Variants in PARD3B observed in about 807,000 individuals in gnomAD.
The protein encoded by PARD3B is par-3 family cell polarity regulator beta.
A neutral mutation model predicts 130.2 loss-of-function variants in PARD3B; 103 were observed. That is an observed-to-expected ratio of 0.79 (90% CI 0.67 to 0.93). The LOEUF (loss-of-function observed/expected upper bound fraction) is 0.93, where lower values mean the gene tolerates loss of function less well. PARD3B is among the 40% of genes least tolerant of loss of function. The pLI is 0.00. For synonymous variants in PARD3B, 583 were observed against 553.2 expected (o/e 1.05, Z -0.76); for missense variants, 1,609 against 1,499.2 (o/e 1.07, Z -1.21).
chr2:205,273,314 TTTC>T (rs150391843), intron 16 of PARD3B, among the ~76,000 whole-genome samples: 1,688 of 152,372 alleles, frequency 0.011, 22 homozygotes, highest in African/African-American at 0.023. Context: ...TGGCTATCCA[TTTC>T]TTCTTTGCAT....
intron 20 of PARD3B, among the ~76,000 whole-genome samples, chr2:205,489,244 A>G (rs1559140915): frequency 6.6e-6 from 1 of 152,108 alleles, no homozygotes; most frequent in Non-Finnish European, 1.5e-5. Flanking sequence ...GACAATATGT[A>G]TCACACACTT....
intron 20 of PARD3B, among the ~76,000 whole-genome samples, chr2:205,464,196 G>A (rs1049045032): frequency 1.3e-5 from 2 of 152,054 alleles, no homozygotes; most frequent in African/African-American, 4.8e-5. Flanking sequence ...GTTTGCCTTT[G>A]TATTTACCAC....
chr2:204,706,541 GA>G (rs937345499), intron 2 of PARD3B, among the ~76,000 whole-genome samples: 2 of 152,032 alleles, frequency 1.3e-5, no homozygotes, highest in African/African-American at 4.8e-5. Context: ...GGTTTACTTT[GA>G]AAAATATGAA....
intron 4 of PARD3B, among the ~76,000 whole-genome samples, chr2:205,058,125 G>A (rs1293436302): frequency 2.0e-5 from 3 of 151,478 alleles, no homozygotes; most frequent in East Asian, 3.9e-4. Flanking sequence ...CTATGATTTT[G>A]ACTACTCTAG....
chr2:205,404,174 G>A (rs1488848501), intron 19 of PARD3B, among the ~76,000 whole-genome samples: 2 of 152,042 alleles, frequency 1.3e-5, no homozygotes, highest in Non-Finnish European at 2.9e-5. Flanking sequence ...CACATCTGTG[G>A]ATTCAACCAA....
chr2:205,168,521 G>C (rs1022954717), intron 11 of PARD3B, among the ~76,000 whole-genome samples: 1 of 152,116 alleles, frequency 6.6e-6, no homozygotes, highest in African/African-American at 2.4e-5. Flanking sequence ...TTATTCCAAA[G>C]CAAATGGGAC....
intron 2 of PARD3B, among the ~76,000 whole-genome samples, chr2:204,725,949 T>C (rs888984648): frequency 6.6e-6 from 1 of 152,098 alleles, no homozygotes; most frequent in South Asian, 2.1e-4. Flanking sequence ...ATGGACTAGC[T>C]CAGTTGGAAG....
chr2:204,679,353 A>T (rs1440320429), intron 1 of PARD3B, among the ~76,000 whole-genome samples: 1 of 152,160 alleles, frequency 6.6e-6, no homozygotes, highest in Non-Finnish European at 1.5e-5. Flanking sequence ...TTGCTGAGTT[A>T]TGTGTGATGT....
intron 18 of PARD3B, among the ~76,000 whole-genome samples, chr2:205,339,906 G>A (rs1347609823): frequency 6.6e-6 from 1 of 152,014 alleles, no homozygotes; most frequent in East Asian, 1.9e-4. Context: ...TGGAAGACAG[G>A]GGAGAAGGAG....
chr2:205,148,573 G>T (rs2033530365), intron 10 of PARD3B, among the ~76,000 whole-genome samples: 1 of 152,158 alleles, frequency 6.6e-6, no homozygotes, highest in East Asian at 1.9e-4. Flanking sequence ...TCCTTTCATT[G>T]TTGTGAAAAT....
chr2:205,333,694 T>C (rs1243211157), intron 18 of PARD3B, among the ~76,000 whole-genome samples: 1 of 152,192 alleles, frequency 6.6e-6, no homozygotes, highest in Non-Finnish European at 1.5e-5. Flanking sequence ...ATTTTCCATG[T>C]ACCCTGAAGA....
At chr2:205,503,900 A>C in intron 21 of PARD3B, among the ~76,000 whole-genome samples, 1 of 152,080 alleles carries the variant, frequency 6.6e-6, no homozygotes, top group East Asian at 1.9e-4. Flanking sequence ...ATCTCTTGTA[A>C]GTTGGATTCC....
At chr2:204,835,519 G>T (rs896534497) in intron 2 of PARD3B, among the ~76,000 whole-genome samples, 1 of 151,772 alleles carries the variant, frequency 6.6e-6, no homozygotes, top group African/African-American at 2.4e-5. Context: ...TTTATCCCCT[G>T]CTCCGTTTGC....
At chr2:205,150,346 G>T (rs768882014) in intron 10 of PARD3B, among the ~76,000 whole-genome samples, 8 of 151,692 alleles carry the variant, frequency 5.3e-5, no homozygotes, top group Non-Finnish European at 7.4e-5. Flanking sequence ...CTGCTTGGGG[G>T]TTCGTCATAT....
intron 21 of PARD3B, 76 bp from the exon 22 acceptor site, chr2:205,553,248 T>C (rs2052728073): frequency 2.2e-6 from 3 of 1,390,384 alleles, no homozygotes; most frequent in Non-Finnish European, 2.0e-6. Flanking sequence ...TGTGCACTGA[T>C]TATAATTTCG....
chr2:205,526,236 G>A (rs895044806), intron 21 of PARD3B, among the ~76,000 whole-genome samples: 4 of 152,124 alleles, frequency 2.6e-5, no homozygotes, highest in African/African-American at 9.7e-5. Context: ...AGTCACATCT[G>A]GGTGTCTGTG....
intron 1 of PARD3B, among the ~76,000 whole-genome samples, chr2:204,665,557 C>G (rs756312952): frequency 6.6e-6 from 1 of 152,174 alleles, no homozygotes; most frequent in Non-Finnish European, 1.5e-5. Flanking sequence ...ACTCACTAGA[C>G]CAAGACTCAG....
intron 22 of PARD3B, among the ~76,000 whole-genome samples, chr2:205,583,528 G>T (rs897138787): frequency 6.6e-6 from 1 of 152,176 alleles, no homozygotes; most frequent in Admixed American, 6.5e-5. Flanking sequence ...GTCATTGACT[G>T]CTCATTGTGT....
In PARD3B at chr2:205,268,556, G is replaced by T. The variant is rs533016682; in HGVS notation, c.2185+22734G>T. On this transcript the variant is annotated intron_variant, in intron 16 of 22. Coordinates refer to ENST00000406610, the MANE Select transcript of PARD3B (RefSeq NM_001302769.2). This position sits in a 1 kb window ranked among gnomAD's most constrained non-coding sequence, Gnocchi z 4.1. ...GAGTTTCAAGGACGTAGAAAAATCT[G>T]ATTTGAAATCAGGTGGAAAGTGCTC... Among the ~76,000 whole-genome samples the T allele has an allele frequency of 6.6e-6, 1 of 152,240 alleles. No individual in the cohort carries two copies. The highest frequency in any genetic ancestry group is 2.4e-5 in the African/African-American group (1 of 41,550).
Sources: gnomAD v4.1 joint callset for allele counts (sites outside exome capture counted in the v4.1 genomes callset) on GRCh38, gnomAD v4.1.1 for gene constraint, Gnocchi (gnomAD v3.1) non-coding constraint, MANE v1.5 for transcripts, NCBI Gene and HGNC (gene_info 2026-07-23, HGNC 2026-07-21) for gene names.